ITPRIP: variants seen among roughly 807,000 people sequenced by gnomAD.
ITPRIP encodes the protein inositol 1,4,5-trisphosphate receptor interacting protein.
ITPRIP carries 32 observed loss-of-function variants against 35.8 expected under a neutral mutation model. The ratio of observed to expected loss-of-function variants is 0.89; its 90% confidence interval spans 0.68 to 1.20. The LOEUF is 1.20. Ranked by LOEUF, ITPRIP falls within the 50% of genes most tolerant of loss-of-function variation. ITPRIP has a pLI of 0.00. For missense variants in ITPRIP, 653 were observed against 735.6 expected, an observed-to-expected ratio of 0.89 and a Z score of 1.30; for synonymous variants, 358 against 324.0, an observed-to-expected ratio of 1.11 and a Z score of -1.13.
chr10:104,323,076 G>A (rs1589891359), intron 1 of ITPRIP, among the ~76,000 whole-genome samples: 1 of 152,160 alleles, frequency 6.6e-6, no homozygotes, highest in East Asian at 1.9e-4. Flanking sequence ...TAGAAACCGA[G>A]GCCTCAAGAG....
intron 1 of ITPRIP, among the ~76,000 whole-genome samples, chr10:104,319,966 G>A (rs1014118345): frequency 3.9e-5 from 6 of 152,160 alleles, no homozygotes; most frequent in East Asian, 3.9e-4. Context: ...ATAAGATACC[G>A]AATTTCAACC....
intron 1 of ITPRIP, among the ~76,000 whole-genome samples, chr10:104,332,817 G>A (rs2135212518): frequency 6.6e-6 from 1 of 152,272 alleles, no homozygotes; most frequent in Non-Finnish European, 1.5e-5. Flanking sequence ...AATTCCACAG[G>A]GAATGCTAAG....
chr10:104,326,735 T>C lies in ITPRIP; in HGVS notation c.-13-10671A>G, dbSNP rs1448076942. On this transcript the variant is annotated intron_variant, in intron 1 of 1. Transcript: ENST00000337478. The surrounding 1 kb of genome is among the most constrained non-coding windows in gnomAD (Gnocchi z 4.8). The stretch of plus-strand genomic sequence containing the variant: ...TGCAGATGTGATTAAATTAAAGAAC[T>C]TGAGATGAGATCATCCTGGATTACC... 1 of 152,146 alleles carries C rather than the reference T, an allele frequency of 6.6e-6. No individual in the cohort carries two copies. Among genetic ancestry groups the C allele is most frequent in the African/African-American group, 2.4e-5 (1 of 41,418 alleles). The allele number at this position is 152,146 out of a possible 1,614,324, so 9.4% of individuals were successfully genotyped here.
Position 104,314,209 on chromosome 10 carries a change from C to G in ITPRIP, c.*199G>C. ...CAAATAACAGCTTTACCAGCAGATC[C>G]CAATGGTATGAAGCAAACCAGCTTC... On this transcript the variant is annotated 3_prime_UTR_variant, in exon 2 of 2. Transcript: ENST00000337478. 2 of 1,391,994 alleles carry G rather than the reference C, an allele frequency of 1.4e-6. No homozygotes were observed. The highest frequency in any genetic ancestry group is 1.7e-5 in the South Asian group (1 of 58,266). 86.2% of individuals were successfully genotyped at this position (1,391,994 alleles called of 1,614,324 possible).
At chr10:104,320,999 G>A (rs1472897716) in intron 1 of ITPRIP, among the ~76,000 whole-genome samples, 2 of 152,214 alleles carry the variant, frequency 1.3e-5, no homozygotes, top group African/African-American at 4.8e-5. Flanking sequence ...AAAAGGGAAG[G>A]AAACAGGGCA....
In ITPRIP at chr10:104,315,577, G is replaced by A. The variant is rs377102380; in HGVS notation, c.475C>T (p.Arg159Cys). ...CIRGATADAA[R>C]TREFLEGFVD... ...AAGCCTTCCAGGAACTCCCGGGTAC[G>A]GGCTGCATCGGCCGTGGCCCCCCGG... Residue 159 changes from arginine to cysteine, a missense_variant, in exon 2 of 2, where the codon CGT becomes TGT. Physicochemically the swap from Arg to Cys is radical, Grantham distance 180. Coordinates refer to ENST00000337478, the MANE Select transcript of ITPRIP (RefSeq NM_001272013.2). This position sits in a 1 kb window ranked among gnomAD's most constrained non-coding sequence, Gnocchi z 5.7. 1.1e-4 allele frequency: 173 copies of A among 1,613,794 alleles called. No individual in the cohort carries two copies. Among genetic ancestry groups the A allele is most frequent in the Middle Eastern group, 1.6e-4 (1 of 6,084 alleles).
rs972722675 is a variant in ITPRIP, at chr10:104,313,881, T to C, written c.*527A>G. The C allele has an allele frequency of 7.1e-6, 7 of 986,496 alleles. No homozygotes were observed. The African/African-American group carries it at 1.0e-4, about 15-fold the overall frequency. The allele number at this position is 986,496 out of a possible 1,614,324, so 61.1% of individuals were successfully genotyped here. ...AGTGGCAGCCATGGTGGGACCACTATTGTGCAGGATGCGGATCAAAGGTGG... is the reference window on the plus strand; with the variant it reads ...AGTGGCAGCCATGGTGGGACCACTACTGTGCAGGATGCGGATCAAAGGTGG... On this transcript the variant is annotated 3_prime_UTR_variant, in exon 2 of 2. Transcript: ENST00000337478.
At chr10:104,336,084 A>G (rs1490457345) in intron 1 of ITPRIP, among the ~76,000 whole-genome samples, 1 of 152,202 alleles carries the variant, frequency 6.6e-6, no homozygotes, top group Non-Finnish European at 1.5e-5. Flanking sequence ...ATCCAGCTAT[A>G]TGGCTTGGCT....
At position 104,328,685 on chromosome 10, in the gene ITPRIP, A is replaced by T. The variant is rs1171972272; in HGVS notation, c.-14+9561T>A. Among the ~76,000 whole-genome samples, 1 of 151,986 alleles carries T rather than the reference A, an allele frequency of 6.6e-6. No individual in the cohort carries two copies. The highest frequency in any genetic ancestry group is 1.9e-4 in the East Asian group (1 of 5,176). On this transcript the variant is annotated intron_variant, in intron 1 of 1. Coordinates refer to ENST00000337478, the MANE Select transcript of ITPRIP (RefSeq NM_001272013.2). This position sits in a 1 kb window ranked among gnomAD's most constrained non-coding sequence, Gnocchi z 4.1. The stretch of plus-strand genomic sequence containing the variant: ...GAAACTAGGATGGATGGAATTAAAT[A>T]AAGGGCCAGCACCCAGCAGCCACCT...
intron 1 of ITPRIP, 129 bp downstream of exon 1, chr10:104,338,116 CA>C (rs1462281905): frequency 6.5e-6 from 1 of 152,754 alleles, no homozygotes; most frequent in Non-Finnish European, 1.5e-5. Flanking sequence ...CCGGGAGGAG[CA>C]GGCGCCCGCG....
chr10:104,329,512 A>G (rs1186570049), intron 1 of ITPRIP, among the ~76,000 whole-genome samples: 1 of 152,114 alleles, frequency 6.6e-6, no homozygotes, highest in African/African-American at 2.4e-5. Context: ...TGTCCAAATA[A>G]TGCCTGCTGA....
chr10:104,331,875 G>A (rs1174197581), intron 1 of ITPRIP, among the ~76,000 whole-genome samples: 1 of 152,218 alleles, frequency 6.6e-6, no homozygotes, highest in East Asian at 1.9e-4. Flanking sequence ...GAGTGAGACA[G>A]CAGGAAGGGA....
chr10:104,328,295 G>C lies in ITPRIP; in HGVS notation c.-14+9951C>G. 5.1e-6 allele frequency: 5 copies of C among 985,362 alleles called. No homozygotes were observed. The highest frequency in any genetic ancestry group is 6.0e-6 in the Non-Finnish European group (5 of 829,910). The allele number at this position is 985,362 out of a possible 1,614,324, so 61.0% of individuals were successfully genotyped here. On this transcript the variant is annotated intron_variant, in intron 1 of 1. Coordinates refer to ENST00000337478, the MANE Select transcript of ITPRIP (RefSeq NM_001272013.2). The surrounding 1 kb of genome is among the most constrained non-coding windows in gnomAD (Gnocchi z 4.1). Reference sequence around the variant, plus strand: ...CTCGTATTCCTCCGAATTTCCCCTAGCCCTGTGGCCGCATCTCACCCACAA... The same window carrying C: ...CTCGTATTCCTCCGAATTTCCCCTACCCCTGTGGCCGCATCTCACCCACAA...
In ITPRIP at chr10:104,314,300, A is replaced by G; in HGVS notation, c.*108T>C. The G allele has an allele frequency of 6.6e-7, 1 of 1,511,732 alleles. No homozygotes were observed. The highest frequency in any genetic ancestry group is 2.3e-5 in the Admixed American group (1 of 44,208). The allele number at this position is 1,511,732 out of a possible 1,614,324, so 93.6% of individuals were successfully genotyped here. Reference sequence around the variant, plus strand: ...TCCTGGCAGGCTGAGCACGGCTCCCACGAAAGCCCGCCTTGTCCCCAGAAC... The same window carrying G: ...TCCTGGCAGGCTGAGCACGGCTCCCGCGAAAGCCCGCCTTGTCCCCAGAAC... On this transcript the variant is annotated 3_prime_UTR_variant, in exon 2 of 2. Coordinates refer to ENST00000337478, the MANE Select transcript of ITPRIP (RefSeq NM_001272013.2).
At chr10:104,324,774 C>G (rs953157282) in intron 1 of ITPRIP, among the ~76,000 whole-genome samples, 1 of 152,210 alleles carries the variant, frequency 6.6e-6, no homozygotes, top group Non-Finnish European at 1.5e-5. Flanking sequence ...GCACATGCTT[C>G]GTCTGAAGGG....
chr10:104,335,218 C>G (rs541395933), intron 1 of ITPRIP, among the ~76,000 whole-genome samples: 3 of 152,170 alleles, frequency 2.0e-5, no homozygotes, highest in Non-Finnish European at 4.4e-5. Context: ...GCTAATTAAG[C>G]GCTCAGCTGT....
chr10:104,330,840 G>A (rs1466179929), intron 1 of ITPRIP, among the ~76,000 whole-genome samples: 1 of 152,206 alleles, frequency 6.6e-6, no homozygotes, highest in African/African-American at 2.4e-5. Flanking sequence ...ACATCATAGA[G>A]CCAGGATCTG....
intron 1 of ITPRIP, among the ~76,000 whole-genome samples, chr10:104,334,283 A>G (rs1247132178): frequency 6.6e-6 from 1 of 152,208 alleles, no homozygotes; most frequent in African/African-American, 2.4e-5. Context: ...TGCTTTAGGA[A>G]TGCTTCACCC....
chr10:104,329,164 G>C (rs1439173125), intron 1 of ITPRIP, among the ~76,000 whole-genome samples: 3 of 152,000 alleles, frequency 2.0e-5, no homozygotes, highest in African/African-American at 7.3e-5. Flanking sequence ...AAGACAAAGG[G>C]GAGGCCAGCC....
Sources: gnomAD v4.1 joint callset for allele counts (sites outside exome capture counted in the v4.1 genomes callset) on GRCh38, gnomAD v4.1.1 for gene constraint, Gnocchi (gnomAD v3.1) non-coding constraint, MANE v1.5 for transcripts, NCBI Gene and HGNC (gene_info 2026-07-23, HGNC 2026-07-21) for gene names.